The following EHMT1 variants were observed in gnomAD, a reference collection of about 807,000 sequenced individuals.
EHMT1 encodes euchromatic histone lysine methyltransferase 1.
EHMT1 carries 15 observed loss-of-function variants against 147.2 expected under a neutral mutation model. The observed-to-expected ratio is 0.10, with a 90% CI of 0.07 to 0.16. The LOEUF (loss-of-function observed/expected upper bound fraction) is 0.16, where lower values mean the gene tolerates loss of function less well. Among genes scored for constraint, EHMT1 ranks in the 10% least tolerant of loss-of-function variants. EHMT1 has a pLI of 1.00. For synonymous variants in EHMT1, 795 were observed against 709.6 expected, an observed-to-expected ratio of 1.12 and a Z score of -1.91; for missense variants, 1,587 against 1,772.4, an observed-to-expected ratio of 0.90 and a Z score of 1.88.
rs1952108568 is a variant in EHMT1, at chr9:137,787,794, G to A, written c.2383-3054G>A. Reference sequence around the variant, plus strand: ...AAGAGGGCGTCTAGATCCCAGCCCTGGGGGCCCTCAGGTTTCAGGGGCCAC... The same window carrying A: ...AAGAGGGCGTCTAGATCCCAGCCCTAGGGGCCCTCAGGTTTCAGGGGCCAC... On this transcript the variant is annotated intron_variant, in intron 15 of 26. Coordinates refer to ENST00000460843, the MANE Select transcript of EHMT1 (RefSeq NM_024757.5). This position sits in a 1 kb window ranked among gnomAD's most constrained non-coding sequence, Gnocchi z 4.2. 2.3e-6 allele frequency: 2 copies of A among 852,872 alleles called. No homozygotes were observed. Among genetic ancestry groups the A allele is most frequent in the Non-Finnish European group, 4.1e-6 (2 of 490,340 alleles). 52.8% of individuals were successfully genotyped at this position (852,872 alleles called of 1,614,324 possible). A position where few individuals can be genotyped will look rare whatever the true frequency, so the allele number is the denominator to read the frequency against.
intron 17 of EHMT1, chr9:137,800,340 G>A (rs1033803578): frequency 2.4e-5 from 4 of 164,434 alleles, no homozygotes; most frequent in Admixed American, 1.7e-4. Flanking sequence ...GGAAGCAGGG[G>A]CGTCCGCCTC....
intron 18 of EHMT1, among the ~76,000 whole-genome samples, chr9:137,810,572 A>AT (rs987327621): frequency 5.3e-5 from 8 of 151,906 alleles, no homozygotes; most frequent in Admixed American, 6.6e-5. Flanking sequence ...CTTTGCACAT[A>AT]TTTTTTCAGA....
At chr9:137,742,649 T>C (rs1001225244) in intron 4 of EHMT1, among the ~76,000 whole-genome samples, 3 of 152,236 alleles carry the variant, frequency 2.0e-5, no homozygotes, top group African/African-American at 7.2e-5. Flanking sequence ...TCCTCGCTGC[T>C]GCTCTTGTTT....
At chr9:137,823,076 G>A (rs911431034) in intron 25 of EHMT1, among the ~76,000 whole-genome samples, 4 of 148,880 alleles carry the variant, frequency 2.7e-5, no homozygotes, top group Admixed American at 1.3e-4. Flanking sequence ...GACTACAGGC[G>A]CCGGCCACCA....
At chr9:137,683,852 A>G (rs1459381674) in intron 1 of EHMT1, among the ~76,000 whole-genome samples, 1 of 152,046 alleles carries the variant, frequency 6.6e-6, no homozygotes, top group African/African-American at 2.4e-5. Flanking sequence ...ATTCAAGCAG[A>G]ATGTCCCTAC....
At position 137,776,982 on chromosome 9, in the gene EHMT1, AT is replaced by A; in HGVS notation, c.2018+141del. 1 of 805,220 alleles carries A rather than the reference AT, an allele frequency of 1.2e-6. No individual in the cohort carries two copies. Among genetic ancestry groups the A allele is most frequent in the East Asian group, 2.7e-5 (1 of 37,360 alleles). 49.9% of individuals were successfully genotyped at this position (805,220 alleles called of 1,614,324 possible). A position where few individuals can be genotyped will look rare whatever the true frequency, so the allele number is the denominator to read the frequency against. On this transcript the variant is annotated intron_variant, in intron 12 of 26. Transcript: ENST00000460843. This position sits in a 1 kb window ranked among gnomAD's most constrained non-coding sequence, Gnocchi z 4.4. ...GCTGATGCTTATGGTGATTTCTGAC[AT>A]TTAAGACTCTGAAATTCATTTATTG... is the stretch of plus-strand genomic sequence containing the variant.
At chr9:137,669,320 C>T (rs572604572) in intron 1 of EHMT1, among the ~76,000 whole-genome samples, 2 of 145,950 alleles carry the variant, frequency 1.4e-5, no homozygotes, top group Admixed American at 7.0e-5. Flanking sequence ...CCTGGAAAGA[C>T]GCCCCCACAG....
intron 1 of EHMT1, among the ~76,000 whole-genome samples, chr9:137,639,643 T>A (rs1348064218): frequency 6.6e-6 from 1 of 152,210 alleles, no homozygotes; most frequent in Non-Finnish European, 1.5e-5. Context: ...TTTTTATGGT[T>A]TATTTTTGCA....
chr9:137,709,217 C>T (rs1295729896), intron 1 of EHMT1, among the ~76,000 whole-genome samples: 1 of 152,120 alleles, frequency 6.6e-6, no homozygotes, highest in Non-Finnish European at 1.5e-5. Flanking sequence ...ATTGCAGGGA[C>T]CCCGGAGAGC....
At chr9:137,686,916 G>C (rs974132705) in intron 1 of EHMT1, among the ~76,000 whole-genome samples, 1 of 151,806 alleles carries the variant, frequency 6.6e-6, no homozygotes, top group Non-Finnish European at 1.5e-5. Context: ...ATTTTTAGTA[G>C]AGACGGGGTT....
chr9:137,696,898 T>C (rs908561949), intron 1 of EHMT1, among the ~76,000 whole-genome samples: 1 of 151,818 alleles, frequency 6.6e-6, no homozygotes, highest in African/African-American at 2.4e-5. Context: ...CTCCTGAGCT[T>C]GTGTGCTTCT....
chr9:137,782,385 C>T lies in EHMT1; in HGVS notation c.2370C>T (p.His790=). 6.2e-7 allele frequency: 1 copy of T among 1,610,584 alleles called. No individual in the cohort carries two copies. Among genetic ancestry groups the T allele is most frequent in the Non-Finnish European group, 8.5e-7 (1 of 1,179,582 alleles). ...AGGCTGGACACGTGGACATCTGCCA[C>T]ATGCTGGTTCAGGTGCGGCGGCACG... is the stretch of plus-strand genomic sequence containing the variant. ...AAEAGHVDIC[H]MLVQAGANID... Residue 790 remains histidine, a synonymous_variant, in exon 15 of 27, where the codon CAC becomes CAT. Coordinates refer to ENST00000460843, the MANE Select transcript of EHMT1 (RefSeq NM_024757.5). This position sits in a 1 kb window ranked among gnomAD's most constrained non-coding sequence, Gnocchi z 5.7.
chr9:137,637,441 C>G (rs1474186808), intron 1 of EHMT1: 1 of 152,246 alleles, frequency 6.6e-6, no homozygotes, highest in Non-Finnish European at 1.5e-5. Flanking sequence ...TCCCAAAATG[C>G]TGGGATTACA....
intron 1 of EHMT1, among the ~76,000 whole-genome samples, chr9:137,677,190 G>A (rs1564574004): frequency 6.6e-6 from 1 of 151,836 alleles, no homozygotes; most frequent in East Asian, 1.9e-4. Flanking sequence ...CTGGATTGCC[G>A]TGACGCAATC....
intron 3 of EHMT1, 30 bp from the exon 4 acceptor site, chr9:137,728,319 T>A: frequency 6.2e-7 from 1 of 1,614,112 alleles, no homozygotes; most frequent in Non-Finnish European, 8.5e-7. Flanking sequence ...GCTTATGCAG[T>A]TATAGTTATT....
At chr9:137,677,198 A>G (rs750146461) in intron 1 of EHMT1, among the ~76,000 whole-genome samples, 1 of 151,852 alleles carries the variant, frequency 6.6e-6, no homozygotes, top group African/African-American at 2.4e-5. Flanking sequence ...CCGTGACGCA[A>G]TCTCTGCTCA....
chr9:137,815,106 C>T (rs1325277490), intron 22 of EHMT1, among the ~76,000 whole-genome samples: 1 of 151,708 alleles, frequency 6.6e-6, no homozygotes, highest in African/African-American at 2.4e-5. Context: ...ACGGTGGGGG[C>T]GGAAGCCAGC....
At chr9:137,724,849 G>A (rs1250909188) in intron 3 of EHMT1, among the ~76,000 whole-genome samples, 18 of 150,732 alleles carry the variant, frequency 1.2e-4, no homozygotes, top group African/African-American at 4.2e-4. Context: ...CATTCGTGTG[G>A]CAGACGTGTG....
intron 3 of EHMT1, among the ~76,000 whole-genome samples, chr9:137,718,571 GCTC>G (rs1280517132): frequency 6.6e-6 from 1 of 152,056 alleles, no homozygotes; most frequent in African/African-American, 2.4e-5. Flanking sequence ...TTCCCATGGA[GCTC>G]CTCTTAAATG....
Sources: allele counts gnomAD v4.1 joint callset (sites outside exome capture counted in the v4.1 genomes callset), GRCh38; gene constraint gnomAD v4.1.1; non-coding constraint Gnocchi (gnomAD v3.1); transcripts MANE v1.5; gene names NCBI Gene and HGNC (gene_info 2026-07-23, HGNC 2026-07-21).